Variants in TUNAR observed in about 807,000 individuals in gnomAD.
TUNAR encodes protein TUNAR.
At chr14:95,922,787 C>T in exon 3 of TUNAR, 1 of 398,970 alleles carries the variant, frequency 2.5e-6, no homozygotes, top group Non-Finnish European at 4.4e-6. Context: ...ACAGGTTAGC[C>T]TGGCAAGGAA....
chr14:95,896,582 G>C (rs918641510), intron 2 of TUNAR, among the ~76,000 whole-genome samples: 1 of 152,136 alleles, frequency 6.6e-6, no homozygotes, highest in African/African-American at 2.4e-5. Flanking sequence ...AGCCTCACTT[G>C]TTTTTCTTTT....
At position 95,883,035 on chromosome 14, in the gene TUNAR, T is replaced by C. The variant is rs572877443; in HGVS notation, c.12+5858T>C. 2.0e-5 allele frequency among the ~76,000 whole-genome samples: 3 copies of C among 152,322 alleles called. No homozygotes were observed. In the East Asian group the frequency reaches 5.8e-4, roughly 29 times the overall value. ...GTACGTCTATTATCCTTTAATTTGTTCAGAGGGCTTTATTGAATACTTCTA... is the reference window on the plus strand; with the variant it reads ...GTACGTCTATTATCCTTTAATTTGTCCAGAGGGCTTTATTGAATACTTCTA... On this transcript the variant is annotated intron_variant, in intron 2 of 2. Coordinates refer to ENST00000678517, the Ensembl canonical transcript of TUNAR.
At chr14:95,891,929 C>T (rs566525604) in intron 2 of TUNAR, among the ~76,000 whole-genome samples, 9 of 152,350 alleles carry the variant, frequency 5.9e-5, no homozygotes, top group South Asian at 4.1e-4. Context: ...GCCTCTGCCC[C>T]GTCTTCCCAT....
intron 2 of TUNAR, among the ~76,000 whole-genome samples, chr14:95,884,131 C>T (rs1889029854): frequency 6.6e-6 from 1 of 152,218 alleles, no homozygotes; most frequent in Admixed American, 6.5e-5. Context: ...GCTCCTCCTC[C>T]TCTGTGCACT....
At chr14:95,880,095 C>A (rs1487422821) in intron 2 of TUNAR, among the ~76,000 whole-genome samples, 1 of 152,176 alleles carries the variant, frequency 6.6e-6, no homozygotes, top group Non-Finnish European at 1.5e-5. Flanking sequence ...AAATTATTTC[C>A]ATTTGCTGGG....
chr14:95,921,534 T>C (rs979172910), intron 2 of TUNAR, among the ~76,000 whole-genome samples: 6 of 152,186 alleles, frequency 3.9e-5, no homozygotes, highest in African/African-American at 1.4e-4. Flanking sequence ...AAAAGTTATT[T>C]TGATTATTGC....
At chr14:95,909,282 C>CTTTTTTT (rs3044246) in intron 2 of TUNAR, among the ~76,000 whole-genome samples, 12 of 125,934 alleles carry the variant, frequency 9.5e-5, no homozygotes, top group African/African-American at 3.8e-4. Flanking sequence ...GCTGCCATCT[C>CTTTTTTT]TTTTTTTTTT....
At chr14:95,893,063 T>G (rs1213263052) in intron 2 of TUNAR, among the ~76,000 whole-genome samples, 1 of 152,014 alleles carries the variant, frequency 6.6e-6, no homozygotes, top group Non-Finnish European at 1.5e-5. Flanking sequence ...ATCTACTGAG[T>G]CTGCAGTGAC....
chr14:95,914,881 C>T (rs1263202581), intron 2 of TUNAR, among the ~76,000 whole-genome samples: 1 of 152,108 alleles, frequency 6.6e-6, no homozygotes, highest in Non-Finnish European at 1.5e-5. Flanking sequence ...TATCTGAAGC[C>T]AGAGTTGTCA....
At chr14:95,913,769 T>C (rs1889557324) in intron 2 of TUNAR, among the ~76,000 whole-genome samples, 2 of 152,086 alleles carry the variant, frequency 1.3e-5, no homozygotes, top group South Asian at 4.1e-4. Context: ...AGTCTCACTC[T>C]GTCACTAGGC....
At chr14:95,892,645 A>G (rs973800442) in intron 2 of TUNAR, among the ~76,000 whole-genome samples, 8 of 152,108 alleles carry the variant, frequency 5.3e-5, no homozygotes, top group African/African-American at 9.7e-5. Context: ...GGCCATCTCC[A>G]TTTCCCCTCC....
At chr14:95,897,472 G>A (rs761292319) in intron 2 of TUNAR, among the ~76,000 whole-genome samples, 26 of 152,090 alleles carry the variant, frequency 1.7e-4, no homozygotes, top group African/African-American at 6.0e-4. Flanking sequence ...CTCAAGCTTC[G>A]GTGCCACCCA....
intron 2 of TUNAR, among the ~76,000 whole-genome samples, chr14:95,884,309 G>A (rs1343940881): frequency 6.6e-6 from 1 of 151,962 alleles, no homozygotes; most frequent in Admixed American, 6.6e-5. Context: ...CCCACCACCT[G>A]CCCCCTTGCT....
chr14:95,896,629 C>T (rs1055096393), intron 2 of TUNAR, among the ~76,000 whole-genome samples: 1 of 152,186 alleles, frequency 6.6e-6, no homozygotes, highest in Admixed American at 6.5e-5. Context: ...GCTCTGTTTG[C>T]CTTACTCTGC....
At position 95,919,276 on chromosome 14, in the gene TUNAR, C is replaced by T. The variant is rs115571931; in HGVS notation, c.13-3505C>T. Among the ~76,000 whole-genome samples, 355 of 152,330 alleles carry T rather than the reference C, an allele frequency of 2.3e-3. 1 individual carries two copies. The highest frequency in any genetic ancestry group is 8.2e-3 in the African/African-American group (341 of 41,578). ...ATGTCAAACGTATGCGTACCCTGTG[C>T]CCGGCAGCTCCTCTTCTAGGTATGT... On this transcript the variant is annotated intron_variant, in intron 2 of 2. Transcript: ENST00000678517.
chr14:95,898,662 T>G (rs1039760574), intron 2 of TUNAR, among the ~76,000 whole-genome samples: 1 of 152,244 alleles, frequency 6.6e-6, no homozygotes, highest in African/African-American at 2.4e-5. Flanking sequence ...GCACTAACAT[T>G]TTTAACCTCT....
chr14:95,920,748 C>T (rs899665786), intron 2 of TUNAR, among the ~76,000 whole-genome samples: 5 of 152,192 alleles, frequency 3.3e-5, no homozygotes, highest in Non-Finnish European at 7.3e-5. Context: ...TTTCATTTCC[C>T]ATCTCATTTC....
chr14:95,901,749 A>C (rs1195759101), intron 2 of TUNAR, among the ~76,000 whole-genome samples: 1 of 152,214 alleles, frequency 6.6e-6, no homozygotes, highest in Non-Finnish European at 1.5e-5. Flanking sequence ...AGTAGGGAGG[A>C]GAAATGAAAA....
At chr14:95,908,467 A>G (rs1438449660) in intron 2 of TUNAR, among the ~76,000 whole-genome samples, 2 of 152,244 alleles carry the variant, frequency 1.3e-5, no homozygotes, top group African/African-American at 4.8e-5. Context: ...CTTAGCATCA[A>G]GGAAAGGCAG....
Sources: allele counts gnomAD v4.1 joint callset (sites outside exome capture counted in the v4.1 genomes callset), GRCh38; gene constraint gnomAD v4.1.1; transcripts MANE v1.5; gene names NCBI Gene and HGNC (gene_info 2026-07-23, HGNC 2026-07-21).